Variants in VAMP4 observed in about 807,000 individuals in gnomAD.
VAMP4 encodes vesicle associated membrane protein 4.
VAMP4 carries 19 observed loss-of-function variants against 23.5 expected under a neutral mutation model. That is an observed-to-expected ratio of 0.81 (90% confidence interval 0.56 to 1.19). The LOEUF (loss-of-function observed/expected upper bound fraction) is 1.19. Among genes scored for constraint, VAMP4 ranks in the 50% most tolerant of loss-of-function variants. The pLI, the probability that VAMP4 is intolerant of heterozygous loss-of-function variation, is 0.00. For missense variants in VAMP4, 145 were observed against 168.6 expected (o/e 0.86, Z 0.78); for synonymous variants, 31 against 51.0 (o/e 0.61, Z 1.67).
chr1:171,723,425 A>G (rs943796907), intron 3 of VAMP4, among the ~76,000 whole-genome samples: 1 of 152,168 alleles, frequency 6.6e-6, no homozygotes, highest in Non-Finnish European at 1.5e-5. Context: ...ACATTCCCAG[A>G]GCAGCCATTT....
At chr1:171,715,184 G>A (rs764458868) in intron 4 of VAMP4, among the ~76,000 whole-genome samples, 1 of 152,146 alleles carries the variant, frequency 6.6e-6, no homozygotes, top group Non-Finnish European at 1.5e-5. Flanking sequence ...AGTAGACGAT[G>A]GCTATTAACT....
intron 4 of VAMP4, among the ~76,000 whole-genome samples, chr1:171,713,122 C>A (rs1039700423): frequency 6.6e-6 from 1 of 152,114 alleles, no homozygotes; most frequent in Non-Finnish European, 1.5e-5. Context: ...AGTGGCCATT[C>A]AATAAATATT....
At chr1:171,727,122 C>G (rs995859594) in intron 3 of VAMP4, among the ~76,000 whole-genome samples, 6 of 151,388 alleles carry the variant, frequency 4.0e-5, no homozygotes, top group Non-Finnish European at 8.8e-5. Context: ...CACCCGTAGT[C>G]CCAGCTACTT....
intron 4 of VAMP4, among the ~76,000 whole-genome samples, chr1:171,715,501 C>G (rs912217115): frequency 6.6e-6 from 1 of 152,136 alleles, no homozygotes; most frequent in Non-Finnish European, 1.5e-5. Context: ...ACGTATGTGA[C>G]TTTGGAATTC....
Position 171,710,713 on chromosome 1 carries a change from C to A in VAMP4, c.265+1G>T. The A allele has an allele frequency of 1.3e-6, 2 of 1,590,628 alleles. No homozygotes were observed. Among genetic ancestry groups the A allele is most frequent in the African/African-American group, 1.3e-5 (1 of 74,178 alleles). ...ATCAAGAAATACATGAAGATCTGTA[C>A]CTGATTTGTCCTGTAGTTCATCTAG... On this transcript the variant is annotated splice_donor_variant, in intron 5 of 7. Coordinates refer to ENST00000236192, the MANE Select transcript of VAMP4 (RefSeq NM_003762.5). LOFTEE classifies it high-confidence loss of function.
At chr1:171,710,867 AT>A (rs1160256005) in intron 4 of VAMP4, 53 bp from the exon 5 acceptor site, 1 of 1,348,706 alleles carries the variant, frequency 7.4e-7, no homozygotes, top group Non-Finnish European at 1.0e-6. Context: ...AATGCTTACA[AT>A]TTTTAAAACT....
intron 1 of VAMP4, among the ~76,000 whole-genome samples, chr1:171,738,985 A>C (rs1572258570): frequency 6.6e-6 from 1 of 152,366 alleles, no homozygotes; most frequent in East Asian, 1.9e-4. Context: ...AAAAGGGGTA[A>C]GTTTGGTAAG....
chr1:171,709,697 G>A lies in VAMP4; in HGVS notation c.313C>T (p.Leu105Phe). 3.7e-6 allele frequency: 6 copies of A among 1,613,240 alleles called. No homozygotes were observed. Among genetic ancestry groups the A allele is most frequent in the Non-Finnish European group, 5.1e-6 (6 of 1,179,450 alleles). Residue 105 changes from leucine to phenylalanine, a missense_variant, in exon 6 of 8, where the codon CTT becomes TTT. Transcript: ENST00000236192. ...ATAFSNRSKQ[L>F]RRQMWWRGCK... is the part of the protein sequence containing the mutation. Reference sequence around the variant, plus strand: ...CCACGCCACCACATTTGCCTTCGAAGTTGTTTGGATCTGTTGCTAAAAGCT... The same window carrying A: ...CCACGCCACCACATTTGCCTTCGAAATTGTTTGGATCTGTTGCTAAAAGCT...
chr1:171,732,361 A>C (rs981656304), intron 2 of VAMP4, among the ~76,000 whole-genome samples: 1 of 55,872 alleles, frequency 1.8e-5, no homozygotes, highest in African/African-American at 1.1e-4. Context: ...TCTCTATGGG[A>C]AAAAAAAAAA....
At chr1:171,709,983 T>C (rs1654795507) in intron 5 of VAMP4, among the ~76,000 whole-genome samples, 1 of 152,068 alleles carries the variant, frequency 6.6e-6, no homozygotes, top group African/African-American at 2.4e-5. Context: ...TTTTTTATTA[T>C]AAAATTAAGA....
chr1:171,736,570 A>C (rs1444805541), intron 2 of VAMP4, among the ~76,000 whole-genome samples: 1 of 152,230 alleles, frequency 6.6e-6, no homozygotes, highest in African/African-American at 2.4e-5. Context: ...CAACATGGAA[A>C]TCATTGGTGA....
At chr1:171,719,744 TATC>T (rs1426072831) in intron 3 of VAMP4, among the ~76,000 whole-genome samples, 1 of 152,008 alleles carries the variant, frequency 6.6e-6, no homozygotes, top group Non-Finnish European at 1.5e-5. Flanking sequence ...ATCTTAAACT[TATC>T]AACATAGCAA....
chr1:171,731,411 T>C (rs1173354908), intron 2 of VAMP4, among the ~76,000 whole-genome samples: 7 of 147,056 alleles, frequency 4.8e-5, no homozygotes, highest in African/African-American at 1.8e-4. Context: ...AAACTTAAAG[T>C]ATAATAATAA....
intron 1 of VAMP4, among the ~76,000 whole-genome samples, chr1:171,738,910 C>T (rs998065640): frequency 6.6e-6 from 1 of 152,132 alleles, no homozygotes; most frequent in Non-Finnish European, 1.5e-5. Flanking sequence ...AGAGTTGGGA[C>T]GGTCAAATTG....
chr1:171,718,910 T>C (rs1655101625), intron 4 of VAMP4, among the ~76,000 whole-genome samples: 1 of 152,132 alleles, frequency 6.6e-6, no homozygotes, highest in Non-Finnish European at 1.5e-5. Flanking sequence ...ACTTTTTCTG[T>C]AAAGGACCAG....
intron 4 of VAMP4, among the ~76,000 whole-genome samples, chr1:171,712,673 CT>C (rs1327485528): frequency 6.6e-6 from 1 of 152,184 alleles, no homozygotes; most frequent in Non-Finnish European, 1.5e-5. Context: ...GAAAGAACCC[CT>C]AAATCTCTAA....
At chr1:171,723,274 A>G (rs918829043) in intron 3 of VAMP4, among the ~76,000 whole-genome samples, 37 of 152,224 alleles carry the variant, frequency 2.4e-4, no homozygotes, top group African/African-American at 8.4e-4. Flanking sequence ...ACGCACTGTC[A>G]TTGATAACAT....
intron 4 of VAMP4, among the ~76,000 whole-genome samples, chr1:171,711,803 C>T (rs1280449599): frequency 2.0e-5 from 3 of 152,160 alleles, no homozygotes; most frequent in South Asian, 4.1e-4. Flanking sequence ...GGATTACTAG[C>T]GACTACAGAC....
Position 171,738,481 on chromosome 1 carries a change from T to G in VAMP4, c.-49-18A>C, listed in dbSNP as rs1434445785. ...GTCACCACCTTAAAGAGAAAATAAATTTCATCAGATTTGAGACTTTGGGGC... is the reference window on the plus strand; with the variant it reads ...GTCACCACCTTAAAGAGAAAATAAAGTTCATCAGATTTGAGACTTTGGGGC... On this transcript the variant is annotated intron_variant, in intron 1 of 7. Transcript: ENST00000236192. The G allele has an allele frequency of 6.6e-7, 1 of 1,512,424 alleles. No homozygotes were observed. Among genetic ancestry groups the G allele is most frequent in the African/African-American group, 1.4e-5 (1 of 72,294 alleles). 93.7% of individuals were successfully genotyped at this position (1,512,424 alleles called of 1,614,324 possible). A position where few individuals can be genotyped will look rare whatever the true frequency, so the allele number is the denominator to read the frequency against.
Sources: allele counts gnomAD v4.1 joint callset (sites outside exome capture counted in the v4.1 genomes callset), GRCh38; gene constraint gnomAD v4.1.1; transcripts MANE v1.5; gene names NCBI Gene and HGNC (gene_info 2026-07-23, HGNC 2026-07-21).